The following HRH2 variants were observed in gnomAD, a reference collection of about 807,000 sequenced individuals.
The protein encoded by HRH2 is histamine H2 receptor.
Under a neutral mutation model 20.1 loss-of-function variants are expected in HRH2, and 4 were observed. That is an observed-to-expected ratio of 0.20 (90% CI 0.10 to 0.45). HRH2 has a LOEUF of 0.45. Among genes scored for constraint, HRH2 ranks in the 20% least tolerant of loss-of-function variants. The pLI is 0.99. For missense variants in HRH2, 250 were observed against 461.6 expected, an observed-to-expected ratio of 0.54 and a Z score of 4.20; for synonymous variants, 197 against 200.7, an observed-to-expected ratio of 0.98 and a Z score of 0.16.
At position 175,682,932 on chromosome 5, in the gene HRH2, G is replaced by A. The variant is rs529336558; in HGVS notation, c.-302G>A. The A allele has an allele frequency of 5.2e-5, 18 of 343,864 alleles. No individual in the cohort carries two copies. The highest frequency in any genetic ancestry group is 3.8e-4 in the East Asian group (7 of 18,332). The allele number at this position is 343,864 out of a possible 1,614,324, so 21.3% of individuals were successfully genotyped here. On this transcript the variant is annotated 5_prime_UTR_variant, in exon 2 of 3. Coordinates refer to ENST00000636584, the MANE Select transcript of HRH2 (RefSeq NM_001367711.1). ...GAGGAAGCTAGCTCTTCAGGGGACC[G>A]TCTGAGGACTGGAGTTTGATCCATG...
chr5:175,677,127 C>T lies in HRH2; in HGVS notation c.-525-5582C>T. Among the ~76,000 whole-genome samples, 1 of 152,138 alleles carries T rather than the reference C, an allele frequency of 6.6e-6. No homozygotes were observed. The highest frequency in any genetic ancestry group is 1.5e-5 in the Non-Finnish European group (1 of 68,016). On this transcript the variant is annotated intron_variant, in intron 1 of 2. Transcript: ENST00000636584. This position sits in a 1 kb window ranked among gnomAD's most constrained non-coding sequence, Gnocchi z 4.2. The stretch of plus-strand genomic sequence containing the variant: ...TTCCCACCTCGGCCTCCCGAGTAGC[C>T]TGCCCTACAGGCGTGCACAACTATG...
rs1756074336 is a variant in HRH2 at position 175,683,821 on chromosome 5, GATC to G, written c.591_593del (p.Ile197del). On this transcript the variant is annotated inframe_deletion, in exon 2 of 3. Transcript: ENST00000636584. ...TGGTCACCTTCTACCTCCCGCTACT[GATC>G]ATGTGCATCACCTACTACCGCATCT... is the stretch of plus-strand genomic sequence containing the variant. The G allele has an allele frequency of 6.2e-7, 1 of 1,614,038 alleles. No homozygotes were observed. The highest frequency in any genetic ancestry group is 8.5e-7 in the Non-Finnish European group (1 of 1,180,052).
chr5:175,681,791 A>C lies in HRH2; in HGVS notation c.-525-918A>C, dbSNP rs1755984683. 6.6e-6 allele frequency among the ~76,000 whole-genome samples: 1 copy of C among 152,146 alleles called. No homozygotes were observed. The highest frequency in any genetic ancestry group is 1.5e-5 in the Non-Finnish European group (1 of 68,022). ...TGAGCCTCCCCACAGACTGTTATGC[A>C]ACCATTAGAAGGAATGAGTGAGTTC... On this transcript the variant is annotated intron_variant, in intron 1 of 2. Coordinates refer to ENST00000636584, the MANE Select transcript of HRH2 (RefSeq NM_001367711.1). The surrounding 1 kb of genome is among the most constrained non-coding windows in gnomAD (Gnocchi z 4.3).
At chr5:175,669,846 G>C (rs1755461402) in intron 1 of HRH2, among the ~76,000 whole-genome samples, 1 of 152,180 alleles carries the variant, frequency 6.6e-6, no homozygotes, top group Non-Finnish European at 1.5e-5. Flanking sequence ...ATCCAAGCAA[G>C]GTCCCTTTTA....
chr5:175,668,764 G>A (rs902997170), intron 1 of HRH2, among the ~76,000 whole-genome samples: 3 of 152,140 alleles, frequency 2.0e-5, no homozygotes, highest in African/African-American at 7.2e-5. Context: ...GAAGCAGAGC[G>A]AGGGTGACAG....
At chr5:175,688,475 C>G (rs1451913467) in intron 2 of HRH2, among the ~76,000 whole-genome samples, 1 of 152,208 alleles carries the variant, frequency 6.6e-6, no homozygotes, top group Non-Finnish European at 1.5e-5. Context: ...CACCTGCCAG[C>G]ACTGTTTGCA....
intron 2 of HRH2, 136 bp downstream of exon 2, chr5:175,684,445 C>A: frequency 7.9e-7 from 1 of 1,267,050 alleles, no homozygotes; most frequent in Non-Finnish European, 1.1e-6. Context: ...TTTGTAAACA[C>A]CCTCTTGCTT....
intron 1 of HRH2, among the ~76,000 whole-genome samples, chr5:175,667,429 A>G (rs1026059632): frequency 6.6e-6 from 1 of 151,308 alleles, no homozygotes; most frequent in African/African-American, 2.4e-5. Context: ...GGGTGACAAG[A>G]GCAAAACTCC....
chr5:175,663,270 A>G (rs1355346443), intron 1 of HRH2, among the ~76,000 whole-genome samples: 1 of 152,214 alleles, frequency 6.6e-6, no homozygotes, highest in Non-Finnish European at 1.5e-5. Flanking sequence ...AAGAGGTTGC[A>G]CTGTCTTACA....
chr5:175,684,463 C>T lies in HRH2; in HGVS notation c.1076+154C>T, dbSNP rs1026345492. 6 of 1,047,734 alleles carry T rather than the reference C, an allele frequency of 5.7e-6. No individual in the cohort carries two copies. In the African/African-American group the frequency reaches 9.7e-5, roughly 17 times the overall value. The allele number at this position is 1,047,734 out of a possible 1,614,324, so 64.9% of individuals were successfully genotyped here. A position where few individuals can be genotyped will look rare whatever the true frequency, so the allele number is the denominator to read the frequency against. On this transcript the variant is annotated intron_variant, in intron 2 of 2. Coordinates refer to ENST00000636584, the MANE Select transcript of HRH2 (RefSeq NM_001367711.1). ...GTAAACACCCTCTTGCTTAATCCTC[C>T]CAACGGCCCCCAAAGGTAGAACTTA... is the stretch of plus-strand genomic sequence containing the variant.
Position 175,709,254 on chromosome 5 carries a change from G to A in HRH2, c.*1283G>A, listed in dbSNP as rs1174729838. The A allele has an allele frequency of 6.6e-6, 1 of 152,114 alleles. No homozygotes were observed. Among genetic ancestry groups the A allele is most frequent in the Non-Finnish European group, 1.5e-5 (1 of 68,120 alleles). The allele number at this position is 152,114 out of a possible 1,614,324, so 9.4% of individuals were successfully genotyped here. On this transcript the variant is annotated 3_prime_UTR_variant, in exon 3 of 3. Coordinates refer to ENST00000636584, the MANE Select transcript of HRH2 (RefSeq NM_001367711.1). ...TTTTCTGTCCCTTTTGCAACTCATTGTCCTCTACCTGCCATCAGATGTGGC... is the reference window on the plus strand; with the variant it reads ...TTTTCTGTCCCTTTTGCAACTCATTATCCTCTACCTGCCATCAGATGTGGC...
At chr5:175,668,590 T>C (rs1030760778) in intron 1 of HRH2, among the ~76,000 whole-genome samples, 1 of 152,116 alleles carries the variant, frequency 6.6e-6, no homozygotes, top group African/African-American at 2.4e-5. Context: ...AGAGCTGAAC[T>C]AGAACTCACT....
intron 2 of HRH2, among the ~76,000 whole-genome samples, chr5:175,705,654 G>A (rs1756922438): frequency 6.6e-6 from 1 of 151,446 alleles, no homozygotes; most frequent in Non-Finnish European, 1.5e-5. Flanking sequence ...CAGGTAGTGT[G>A]CCCAGAGTAG....
chr5:175,704,269 G>GA (rs1756873828), intron 2 of HRH2, among the ~76,000 whole-genome samples: 1 of 151,922 alleles, frequency 6.6e-6, no homozygotes, highest in African/African-American at 2.4e-5. Flanking sequence ...TATTTTAAAA[G>GA]AAAAATATAA....
intron 1 of HRH2, among the ~76,000 whole-genome samples, chr5:175,672,509 G>A (rs1296494561): frequency 1.3e-5 from 2 of 152,194 alleles, no homozygotes; most frequent in Non-Finnish European, 2.9e-5. Context: ...CCACATAATA[G>A]GGTTGTTGAA....
intron 1 of HRH2, among the ~76,000 whole-genome samples, chr5:175,667,031 T>C (rs887659001): frequency 1.3e-5 from 2 of 152,178 alleles, no homozygotes; most frequent in African/African-American, 4.8e-5. Context: ...TATATATATA[T>C]GTAATGTATA....
At chr5:175,676,080 A>G (rs1755748483) in intron 1 of HRH2, among the ~76,000 whole-genome samples, 1 of 152,136 alleles carries the variant, frequency 6.6e-6, no homozygotes, top group South Asian at 2.1e-4. Flanking sequence ...CAGCCCAGAC[A>G]ATCTAAGTCT....
At chr5:175,660,441 GT>G (rs1244913426) in intron 1 of HRH2, among the ~76,000 whole-genome samples, 1 of 152,196 alleles carries the variant, frequency 6.6e-6, no homozygotes, top group African/African-American at 2.4e-5. Context: ...ATGGAAACAT[GT>G]TTTGCATTGG....
intron 1 of HRH2, among the ~76,000 whole-genome samples, chr5:175,679,630 G>A (rs1054011369): frequency 6.6e-6 from 1 of 152,202 alleles, no homozygotes; most frequent in Non-Finnish European, 1.5e-5. Flanking sequence ...CTGCTTTTAG[G>A]CATCTAGGAG....
Sources: gnomAD v4.1 joint callset for allele counts (sites outside exome capture counted in the v4.1 genomes callset) on GRCh38, gnomAD v4.1.1 for gene constraint, Gnocchi (gnomAD v3.1) non-coding constraint, MANE v1.5 for transcripts, NCBI Gene and HGNC (gene_info 2026-07-23, HGNC 2026-07-21) for gene names.